Variants in PLXNB2 observed in about 807,000 individuals in gnomAD.
PLXNB2 encodes plexin B2.
Under a neutral mutation model 202.6 loss-of-function variants are expected in PLXNB2, and 85 were observed. The ratio of observed to expected loss-of-function variants is 0.42; its 90% confidence interval spans 0.35 to 0.50. The LOEUF (loss-of-function observed/expected upper bound fraction) is 0.50. Ranked by LOEUF, PLXNB2 falls within the 20% of genes least tolerant of loss-of-function variation. The pLI is 0.02. For synonymous variants in PLXNB2, 1,239 were observed against 1,137.6 expected (o/e 1.09, Z -1.79); for missense variants, 2,063 against 2,586.2 (o/e 0.80, Z 4.39).
chr22:50,283,500 G>A, intron 15 of PLXNB2, 55 bp from the exon 16 acceptor site: 4 of 1,505,562 alleles, frequency 2.7e-6, no homozygotes, highest in South Asian at 2.3e-5. Flanking sequence ...CCCACACCCT[G>A]ACACCCTCAC....
chr22:50,276,970 C>A, intron 33 of PLXNB2, 64 bp from the exon 34 acceptor site: 2 of 1,213,070 alleles, frequency 1.6e-6, no homozygotes, highest in Non-Finnish European at 2.4e-6. Flanking sequence ...CTCAGAGTAC[C>A]CCTGGGTAGC....
rs1196412351 is a variant in PLXNB2, at chr22:50,286,995, C to T, written c.1762+116G>A. The T allele has an allele frequency of 8.4e-6, 9 of 1,069,994 alleles. No homozygotes were observed. In the South Asian group the frequency reaches 9.3e-5, roughly 11 times the overall value. The allele number at this position is 1,069,994 out of a possible 1,614,324, so 66.3% of individuals were successfully genotyped here. On this transcript the variant is annotated intron_variant, in intron 8 of 36. Coordinates refer to ENST00000359337, the MANE Select transcript of PLXNB2 (RefSeq NM_012401.4). ...ATTCAGGCTGGGCCCCCGGAGCAGCCGCGGAGTGTGCCTGTGCAGAGCCTG... is the reference window on the plus strand; with the variant it reads ...ATTCAGGCTGGGCCCCCGGAGCAGCTGCGGAGTGTGCCTGTGCAGAGCCTG...
chr22:50,287,065 C>T lies in PLXNB2; in HGVS notation c.1762+46G>A, dbSNP rs570371440. 1.9e-5 allele frequency: 28 copies of T among 1,459,398 alleles called. No individual in the cohort carries two copies. In the African/African-American group the frequency reaches 2.1e-4, roughly 11 times the overall value. The allele number at this position is 1,459,398 out of a possible 1,614,324, so 90.4% of individuals were successfully genotyped here. On this transcript the variant is annotated intron_variant, in intron 8 of 36. Coordinates refer to ENST00000359337, the MANE Select transcript of PLXNB2 (RefSeq NM_012401.4). ...GCGAGAGCCCGTGTGCACAGGGCCC[C>T]GTGCGACCGAGAAGGGCCACCCGGG...
At position 50,307,634 on chromosome 22, in the gene PLXNB2, G is replaced by C. The variant is rs866059344; in HGVS notation, c.-155C>G. On this transcript the variant is annotated 5_prime_UTR_variant, in exon 1 of 37. Transcript: ENST00000359337. Reference sequence around the variant, plus strand: ...TGGCCCGCGCTGCTGCCATGGAGACGGGGCCTTTGTGTGGCCGAGGAGGGG... The same window carrying C: ...TGGCCCGCGCTGCTGCCATGGAGACCGGGCCTTTGTGTGGCCGAGGAGGGG... 5 of 981,534 alleles carry C rather than the reference G, an allele frequency of 5.1e-6. No individual in the cohort carries two copies. In the African/African-American group the frequency reaches 5.3e-5, roughly 10 times the overall value. 60.8% of individuals were successfully genotyped at this position (981,534 alleles called of 1,614,324 possible).
In PLXNB2 at chr22:50,281,123, C is replaced by G; in HGVS notation, c.3729G>C (p.Glu1243Asp). 1.9e-6 allele frequency: 3 copies of G among 1,613,398 alleles called. No individual in the cohort carries two copies. Among genetic ancestry groups the G allele is most frequent in the Non-Finnish European group, 1.7e-6 (2 of 1,179,928 alleles). Residue 1243 changes from glutamate to aspartate, a missense_variant, in exon 23 of 37, where the codon GAG (glutamate) becomes GAC (aspartate). By Grantham distance (45) the Glu-to-Asp change is conservative. Transcript: ENST00000359337. ...CCTTCTTGCAGCGGTCCCGCACGCT[C>G]TCCTCCAGGCCCTCCAGCTGGGACT... ...KIKSQLEGLEESVRDRCKKEF... is the reference protein window; with the variant it reads ...KIKSQLEGLEDSVRDRCKKEF...
chr22:50,275,731 T>G lies in PLXNB2; in HGVS notation c.5490A>C (p.Ala1830=), dbSNP rs779042031. 5 of 1,610,824 alleles carry G rather than the reference T, an allele frequency of 3.1e-6. No homozygotes were observed. The African/African-American group carries it at 5.3e-5, about 17-fold the overall frequency. ...AGAGGTCAGTGACCTTGTTCTCCAG[T>G]GCAGCGGCAATCTGCTGCAGGCGGA... is the stretch of plus-strand genomic sequence containing the variant. The part of the protein sequence containing the change: ...LAFRLQQIAA[A]LENKVTDL The change falls in exon 37 of 37, where the codon GCA becomes GCC. Residue 1830 remains alanine (A), a synonymous_variant. Coordinates refer to ENST00000359337, the MANE Select transcript of PLXNB2 (RefSeq NM_012401.4).
rs912944271 is a variant in PLXNB2, at chr22:50,297,810, C to T, written c.-73-3032G>A. On this transcript the variant is annotated intron_variant, in intron 1 of 36. Transcript: ENST00000359337. This position sits in a 1 kb window ranked among gnomAD's most constrained non-coding sequence, Gnocchi z 5.3. ...CCATTCAGAAAGCTGCTCTGTGCCT[C>T]AGTTTCCCCATATGTAACCTGGGGG... is the stretch of plus-strand genomic sequence containing the variant. Among the ~76,000 whole-genome samples the T allele has an allele frequency of 6.6e-6, 1 of 152,194 alleles. No individual in the cohort carries two copies. The highest frequency in any genetic ancestry group is 2.4e-5 in the African/African-American group (1 of 41,440).
intron 1 of PLXNB2, chr22:50,300,410 C>T (rs2067608864): frequency 2.9e-5 from 21 of 727,774 alleles, no homozygotes; most frequent in Non-Finnish European, 3.2e-5. Flanking sequence ...AGGGCTCGGC[C>T]CCTCCCGGCC....
chr22:50,288,276 C>T lies in PLXNB2; in HGVS notation c.1381-239G>A, dbSNP rs1446607871. ...GCTATGGTGTCTCCCGGGGCAGCTC[C>T]TGTCCTCTACACTGGCTCCCTCCGA... On this transcript the variant is annotated intron_variant, in intron 5 of 36. Transcript: ENST00000359337. The surrounding 1 kb of genome is among the most constrained non-coding windows in gnomAD (Gnocchi z 5.0). Among the ~76,000 whole-genome samples, 1 of 152,126 alleles carries T rather than the reference C, an allele frequency of 6.6e-6. No homozygotes were observed. Among genetic ancestry groups the T allele is most frequent in the African/African-American group, 2.4e-5 (1 of 41,412 alleles).
chr22:50,285,125 G>C (rs1305851051), intron 11 of PLXNB2, among the ~76,000 whole-genome samples: 1 of 152,084 alleles, frequency 6.6e-6, no homozygotes, highest in Non-Finnish European at 1.5e-5. Context: ...GGGGGCACGG[G>C]TGGAGCTCAG....
At position 50,284,150 on chromosome 22, in the gene PLXNB2, T is replaced by C. The variant is rs1478212254; in HGVS notation, c.2245A>G (p.Ile749Val). 2 of 1,610,198 alleles carry C rather than the reference T, an allele frequency of 1.2e-6. No homozygotes were observed. The highest frequency in any genetic ancestry group is 1.7e-6 in the Non-Finnish European group (2 of 1,178,948). ...HLYVKSYGKN[I>V]DSKLHVTLYN... ...CCCCCACCATGGAGCTTGCTGTCGA[T>C]ATTCTTGCCGTAAGACTTGACGTAG... is the stretch of plus-strand genomic sequence containing the variant. The change falls in exon 13 of 37, where the codon ATC becomes GTC. Residue 749 changes from isoleucine (I) to valine (V), a missense_variant. Physicochemically the swap from Ile to Val is conservative, Grantham distance 29. This residue lies in a region of PLXNB2 where 1,303 missense variants were observed against 1,476.8 expected (regional missense o/e 0.88). Coordinates refer to ENST00000359337, the MANE Select transcript of PLXNB2 (RefSeq NM_012401.4). The surrounding 1 kb of genome is among the most constrained non-coding windows in gnomAD (Gnocchi z 8.0).
chr22:50,280,714 G>GGGGGGGCCC, intron 24 of PLXNB2, 30 bp downstream of exon 24: 1 of 1,528,952 alleles, frequency 6.5e-7, no homozygotes, highest in Non-Finnish European at 8.9e-7. Flanking sequence ...CCACCTGTGT[G>GGGGGGGCCC]CCCTCCCGCC....
intron 35 of PLXNB2, 135 bp from the exon 36 acceptor site, chr22:50,276,098 G>GC: frequency 5.3e-6 from 4 of 758,238 alleles, no homozygotes; most frequent in Non-Finnish European, 6.8e-6. Context: ...GGCACTTGGG[G>GC]CCCCCCATGT....
intron 30 of PLXNB2, 32 bp from the exon 31 acceptor site, chr22:50,278,303 C>G (rs1569157228): frequency 6.2e-7 from 1 of 1,608,926 alleles, no homozygotes; most frequent in Admixed American, 1.7e-5. Context: ...GGACCCCTAC[C>G]CAGGTCTGGG....
chr22:50,280,135 C>T (rs982725359), intron 25 of PLXNB2, 64 bp from the exon 26 acceptor site: 3 of 1,343,342 alleles, frequency 2.2e-6, no homozygotes, highest in Non-Finnish European at 3.1e-6. Flanking sequence ...CAACTGACTC[C>T]TCCAAGCACC....
chr22:50,288,496 G>A lies in PLXNB2; in HGVS notation c.1380+247C>T, dbSNP rs2066631900. 6.6e-6 allele frequency among the ~76,000 whole-genome samples: 1 copy of A among 152,080 alleles called. No homozygotes were observed. Among genetic ancestry groups the A allele is most frequent in the South Asian group, 2.1e-4 (1 of 4,818 alleles). On this transcript the variant is annotated intron_variant, in intron 5 of 36. Coordinates refer to ENST00000359337, the MANE Select transcript of PLXNB2 (RefSeq NM_012401.4). The surrounding 1 kb of genome is among the most constrained non-coding windows in gnomAD (Gnocchi z 5.0). ...GGACAGGGCAGAGGCGGGGCCAGAG[G>A]GAGAGACATGGTTGAGACCACAAAG...
rs762823862 is a variant in PLXNB2 at position 50,281,344 on chromosome 22, CG to C, written c.3662+15del. Reference sequence around the variant, plus strand: ...CGAGGGCTCAGGGTGTTGGCACAGCCGGGGGGCGGGCTCACCAGTAGCAGTA... The same window carrying C: ...CGAGGGCTCAGGGTGTTGGCACAGCCGGGGGCGGGCTCACCAGTAGCAGTA... On this transcript the variant is annotated intron_variant, in intron 22 of 36. Coordinates refer to ENST00000359337, the MANE Select transcript of PLXNB2 (RefSeq NM_012401.4). 1.9e-6 allele frequency: 3 copies of C among 1,610,836 alleles called. No homozygotes were observed. The highest frequency in any genetic ancestry group is 2.5e-6 in the Non-Finnish European group (3 of 1,179,270).
chr22:50,282,638 ACAGT>A lies in PLXNB2; in HGVS notation c.2987+69_2987+72del, dbSNP rs555835298. ...CCAGCCCCACCACATTCCTTTCAGCACAGTCAGCCAAGGGCACTGAGGAGGCAGC... is the reference window on the plus strand; with the variant it reads ...CCAGCCCCACCACATTCCTTTCAGCACAGCCAAGGGCACTGAGGAGGCAGC... On this transcript the variant is annotated intron_variant, in intron 18 of 36. Coordinates refer to ENST00000359337, the MANE Select transcript of PLXNB2 (RefSeq NM_012401.4). 1.5e-4 allele frequency: 158 copies of A among 1,062,066 alleles called. 1 individual carries two copies. The South Asian group carries it at 2.2e-3, about 15-fold the overall frequency. 65.8% of individuals were successfully genotyped at this position (1,062,066 alleles called of 1,614,324 possible). A position where few individuals can be genotyped will look rare whatever the true frequency, so the allele number is the denominator to read the frequency against.
chr22:50,281,196 G>T lies in PLXNB2; in HGVS notation c.3663-7C>A. 1 of 1,608,922 alleles carries T rather than the reference G, an allele frequency of 6.2e-7. No homozygotes were observed. ...GGCCTGCTGGCTCTTCCTCCTGCAA[G>T]GCACAGCGGGCCTCCTAGGTTCTGC... On this transcript the variant is annotated splice_region_variant and splice_polypyrimidine_tract_variant and intron_variant, in intron 22 of 36. Transcript: ENST00000359337.
Sources: gnomAD v4.1 joint callset for allele counts (sites outside exome capture counted in the v4.1 genomes callset) on GRCh38, gnomAD v4.1.1 for gene constraint, gnomAD v4.1.1 regional missense constraint, Gnocchi (gnomAD v3.1) non-coding constraint, MANE v1.5 for transcripts, NCBI Gene and HGNC (gene_info 2026-07-23, HGNC 2026-07-21) for gene names.